RNF2: variants seen among roughly 807,000 people sequenced by gnomAD.
RNF2 encodes ring finger protein 2, also known as E3 ubiquitin-protein ligase RING2.
In RNF2, 6 loss-of-function variants were observed where a neutral mutation model predicts 37.2. The observed-to-expected ratio is 0.16, with a 90% CI of 0.09 to 0.32. The LOEUF is 0.32. Among genes scored for constraint, RNF2 ranks in the 10% least tolerant of loss-of-function variants. RNF2 has a pLI of 1.00. For synonymous variants in RNF2, 133 were observed against 132.7 expected, an observed-to-expected ratio of 1.00 and a Z score of -0.02; for missense variants, 251 against 404.0, an observed-to-expected ratio of 0.62 and a Z score of 3.25.
At chr1:185,073,483 G>T (rs562117265) in intron 1 of RNF2, among the ~76,000 whole-genome samples, 2 of 152,248 alleles carry the variant, frequency 1.3e-5, no homozygotes, top group South Asian at 4.1e-4. Flanking sequence ...GAGTATTCCA[G>T]TCTGTTCTTT....
At chr1:185,096,487 C>G (rs1651914438) in intron 4 of RNF2, among the ~76,000 whole-genome samples, 1 of 152,084 alleles carries the variant, frequency 6.6e-6, no homozygotes, top group African/African-American at 2.4e-5. Context: ...AACTGTCATT[C>G]TACTTTGTTT....
intron 1 of RNF2, among the ~76,000 whole-genome samples, chr1:185,064,716 T>C (rs555901451): frequency 6.6e-6 from 1 of 152,362 alleles, no homozygotes; most frequent in East Asian, 1.9e-4. Flanking sequence ...TCCATGAACA[T>C]GGGATGTCTT....
chr1:185,054,479 C>T (rs1650369412), intron 1 of RNF2, among the ~76,000 whole-genome samples: 1 of 152,146 alleles, frequency 6.6e-6, no homozygotes, highest in East Asian at 1.9e-4. Context: ...CTTCTTCTCC[C>T]ATCTGGGTCT....
chr1:185,075,286 A>C (rs1292655928), intron 1 of RNF2, among the ~76,000 whole-genome samples: 1 of 152,036 alleles, frequency 6.6e-6, no homozygotes, highest in Non-Finnish European at 1.5e-5. Context: ...GAGCTACTGT[A>C]TTGTGTATTT....
intron 4 of RNF2, among the ~76,000 whole-genome samples, chr1:185,096,710 C>T (rs1651922444): frequency 6.6e-6 from 1 of 151,982 alleles, no homozygotes; most frequent in South Asian, 2.1e-4. Context: ...GGCAGGATTT[C>T]CTTCCTTTTT....
At position 185,070,257 on chromosome 1, in the gene RNF2, T is replaced by C. The variant is rs571363050; in HGVS notation, c.-2-17295T>C. On this transcript the variant is annotated intron_variant, in intron 1 of 6. Coordinates refer to ENST00000367510, the MANE Select transcript of RNF2 (RefSeq NM_007212.4). ...TGAAAATTTTTATCACTTTGCAGAT[T>C]AAAAAAAAGCCTTAAGAGGTTGAGA... Among the ~76,000 whole-genome samples the C allele has an allele frequency of 3.9e-5, 6 of 152,040 alleles. No homozygotes were observed. In the South Asian group the frequency reaches 1.2e-3, roughly 32 times the overall value.
At chr1:185,071,985 C>T (rs1443031595) in intron 1 of RNF2, 1 of 152,408 alleles carries the variant, frequency 6.6e-6, no homozygotes, top group Non-Finnish European at 1.5e-5. Context: ...AGTAGTAAGA[C>T]ATGAATAGGT....
intron 2 of RNF2, among the ~76,000 whole-genome samples, chr1:185,090,845 T>C (rs915786872): frequency 3.3e-5 from 5 of 152,226 alleles, no homozygotes; most frequent in African/African-American, 9.6e-5. Flanking sequence ...AGGGGAGATA[T>C]GTCCTGAAAT....
intron 1 of RNF2, among the ~76,000 whole-genome samples, chr1:185,085,628 C>T (rs1434807630): frequency 6.6e-6 from 1 of 151,546 alleles, no homozygotes; most frequent in African/African-American, 2.4e-5. Context: ...TTTTTGTGAA[C>T]GATTTGATCA....
chr1:185,066,521 CT>C (rs1219307013), intron 1 of RNF2, among the ~76,000 whole-genome samples: 7 of 152,166 alleles, frequency 4.6e-5, no homozygotes. Context: ...TTATTTATGC[CT>C]TCTTAGCATT....
At chr1:185,061,066 A>G (rs1161584889) in intron 1 of RNF2, among the ~76,000 whole-genome samples, 2 of 151,542 alleles carry the variant, frequency 1.3e-5, no homozygotes, top group African/African-American at 4.8e-5. Context: ...ACAGTGAGCC[A>G]TGAGTCACTG....
intron 1 of RNF2, among the ~76,000 whole-genome samples, chr1:185,053,008 C>A (rs1001241892): frequency 1.3e-5 from 2 of 152,114 alleles, no homozygotes; most frequent in Non-Finnish European, 2.9e-5. Flanking sequence ...ATCACATTTC[C>A]ATTATAGACA....
In RNF2 at chr1:185,084,577, GCT is replaced by G. The variant is rs1651526108; in HGVS notation, c.-2-2974_-2-2973del. Among the ~76,000 whole-genome samples, 13 of 152,276 alleles carry G rather than the reference GCT, an allele frequency of 8.5e-5. No individual in the cohort carries two copies. In the South Asian group the frequency reaches 2.7e-3, roughly 32 times the overall value. On this transcript the variant is annotated intron_variant, in intron 1 of 6. Transcript: ENST00000367510. ...CAGTTTTATTTTGAGACCTTGGCAT[GCT>G]GGTCACAAAAGGCCATTGCATATTT...
At chr1:185,084,082 C>T (rs1427524803) in intron 1 of RNF2, among the ~76,000 whole-genome samples, 1 of 152,008 alleles carries the variant, frequency 6.6e-6, no homozygotes, top group Non-Finnish European at 1.5e-5. Flanking sequence ...CCTAAAACTA[C>T]AGGCACACAC....
At chr1:185,056,145 CAGG>C (rs1650427797) in intron 1 of RNF2, among the ~76,000 whole-genome samples, 1 of 152,140 alleles carries the variant, frequency 6.6e-6, no homozygotes, top group East Asian at 1.9e-4. Flanking sequence ...ATATTTTTTT[CAGG>C]AGTTCTCCAT....
At chr1:185,055,898 G>C (rs764035888) in intron 1 of RNF2, among the ~76,000 whole-genome samples, 2 of 152,048 alleles carry the variant, frequency 1.3e-5, no homozygotes, top group Non-Finnish European at 2.9e-5. Context: ...CTTTGAATTA[G>C]TGCAAAAGTG....
At chr1:185,088,744 GA>G (rs1446821458) in intron 2 of RNF2, among the ~76,000 whole-genome samples, 1 of 152,118 alleles carries the variant, frequency 6.6e-6, no homozygotes, top group African/African-American at 2.4e-5. Context: ...AATCCAGGAA[GA>G]AAAATTTTCA....
rs11432393 is a variant in RNF2, at chr1:185,100,543, G to GTT, written c.*252_*253dup. ...AAAAAATATATCTGAAGTTTCTTGT[G>GTT]TTTTTTTTTTTCCCCACAAAGTGTG... is the stretch of plus-strand genomic sequence containing the variant. On this transcript the variant is annotated 3_prime_UTR_variant, in exon 7 of 7. Coordinates refer to ENST00000367510, the MANE Select transcript of RNF2 (RefSeq NM_007212.4). The GTT allele has an allele frequency of 0.014, 3,519 of 251,408 alleles. No homozygotes were observed. Among genetic ancestry groups the GTT allele is most frequent in the Middle Eastern group, 0.022 (18 of 828 alleles). 15.6% of individuals were successfully genotyped at this position (251,408 alleles called of 1,614,324 possible).
rs1324910874 is a variant in RNF2, at chr1:185,102,074, G to A, written c.*1773G>A. On this transcript the variant is annotated 3_prime_UTR_variant, in exon 7 of 7. Coordinates refer to ENST00000367510, the MANE Select transcript of RNF2 (RefSeq NM_007212.4). ...TCCCATTGTGATTAATTGAAATTTT[G>A]TCTTTAAGCAGAGAGTTATTTGTGA... 1 of 152,404 alleles carries A rather than the reference G, an allele frequency of 6.6e-6. No individual in the cohort carries two copies. Among genetic ancestry groups the A allele is most frequent in the African/African-American group, 2.4e-5 (1 of 41,362 alleles). The allele number at this position is 152,404 out of a possible 1,614,324, so 9.4% of individuals were successfully genotyped here.
Sources: allele counts gnomAD v4.1 joint callset (sites outside exome capture counted in the v4.1 genomes callset), GRCh38; gene constraint gnomAD v4.1.1; transcripts MANE v1.5; gene names NCBI Gene and HGNC (gene_info 2026-07-23, HGNC 2026-07-21).